The following RHPN1 variants were observed in gnomAD, a reference collection of about 807,000 sequenced individuals.
The protein encoded by RHPN1 is rhophilin Rho GTPase binding protein 1.
In RHPN1, 77 loss-of-function variants were observed where a neutral mutation model predicts 74.7. That is an observed-to-expected ratio of 1.03 (90% confidence interval 0.86 to 1.25). RHPN1 has a LOEUF of 1.25. Among genes scored for constraint, RHPN1 ranks in the 50% most tolerant of loss-of-function variants. The pLI is 0.00. For missense variants in RHPN1, 987 were observed against 932.2 expected, an observed-to-expected ratio of 1.06 and a Z score of -0.77; for synonymous variants, 444 against 414.5, an observed-to-expected ratio of 1.07 and a Z score of -0.87.
At chr8:143,373,724 G>A (rs528966299) in intron 1 of RHPN1, among the ~76,000 whole-genome samples, 11 of 150,486 alleles carry the variant, frequency 7.3e-5, no homozygotes, top group African/African-American at 2.2e-4. Context: ...GGGGGATGGC[G>A]TGGGTTCCAG....
rs549388760 is a variant in RHPN1, at chr8:143,369,109, C to G, written c.60+62C>G. ...CGGAATCCCGGCCTTTTCCTGCCCCCCCTCGAGGCGCGTTCCGGGCGCCCC... is the reference window on the plus strand; with the variant it reads ...CGGAATCCCGGCCTTTTCCTGCCCCGCCTCGAGGCGCGTTCCGGGCGCCCC... On this transcript the variant is annotated intron_variant, in intron 1 of 14. Transcript: ENST00000289013. 856 of 1,316,866 alleles carry G rather than the reference C, an allele frequency of 6.5e-4. 1 individual carries two copies. The highest frequency in any genetic ancestry group is 2.2e-3 in the Admixed American group (68 of 31,344). 81.6% of individuals were successfully genotyped at this position (1,316,866 alleles called of 1,614,324 possible). A position where few individuals can be genotyped will look rare whatever the true frequency, so the allele number is the denominator to read the frequency against.
rs1336994079 is a variant in RHPN1 at position 143,383,395 on chromosome 8, G to C, written c.*744G>C. The C allele has an allele frequency of 6.6e-6, 1 of 152,360 alleles. No homozygotes were observed. Among genetic ancestry groups the C allele is most frequent in the African/African-American group, 2.4e-5 (1 of 41,456 alleles). 9.4% of individuals were successfully genotyped at this position (152,360 alleles called of 1,614,324 possible). A position where few individuals can be genotyped will look rare whatever the true frequency, so the allele number is the denominator to read the frequency against. On this transcript the variant is annotated 3_prime_UTR_variant, in exon 15 of 15. Coordinates refer to ENST00000289013, the MANE Select transcript of RHPN1 (RefSeq NM_052924.3). The stretch of plus-strand genomic sequence containing the variant: ...GCTCCTGGGCGTGTCACTTCTCTCT[G>C]AGCCTGGGGCCTGCATGGGCCCCCA...
In RHPN1 at chr8:143,368,946, G is replaced by T. The variant is rs376982711; in HGVS notation, c.-42G>T. ...CTGCGGAGCGCTGCGCGAGCGGCGG[G>T]CTGGCTGACCCCGAGGGACCCCCAG... On this transcript the variant is annotated 5_prime_UTR_variant, in exon 1 of 15. Transcript: ENST00000289013. The T allele has an allele frequency of 7.0e-7, 1 of 1,426,366 alleles. No individual in the cohort carries two copies. Among genetic ancestry groups the T allele is most frequent in the Non-Finnish European group, 9.2e-7 (1 of 1,092,498 alleles). The allele number at this position is 1,426,366 out of a possible 1,614,324, so 88.4% of individuals were successfully genotyped here. A position where few individuals can be genotyped will look rare whatever the true frequency, so the allele number is the denominator to read the frequency against.
chr8:143,380,024 C>A (rs963152155), intron 9 of RHPN1, 38 bp from the exon 10 acceptor site: 1 of 1,543,204 alleles, frequency 6.5e-7, no homozygotes, highest in Admixed American at 2.0e-5. Flanking sequence ...ACTGCCAAGG[C>A]CCCCCCGCGC....
At chr8:143,365,251 C>T (rs1352209296), upstream of RHPN1, among the ~76,000 whole-genome samples, 2 of 152,182 alleles carry the variant, frequency 1.3e-5, no homozygotes, top group African/African-American at 2.4e-5. Context: ...CGATCAGCAT[C>T]AAATCATCAA....
Position 143,378,604 on chromosome 8 carries a change from C to T in RHPN1, c.460-92C>T, listed in dbSNP as rs1353996130. ...CCCCACTGGCTTTGCCTCCCCGCCC[C>T]CCATGGTGCTGGTGCCCATGGGACT... On this transcript the variant is annotated intron_variant, in intron 5 of 14. Coordinates refer to ENST00000289013, the MANE Select transcript of RHPN1 (RefSeq NM_052924.3). 4 of 1,472,370 alleles carry T rather than the reference C, an allele frequency of 2.7e-6. No individual in the cohort carries two copies. In the Admixed American group the frequency reaches 8.5e-5, roughly 31 times the overall value. The allele number at this position is 1,472,370 out of a possible 1,614,324, so 91.2% of individuals were successfully genotyped here. A position where few individuals can be genotyped will look rare whatever the true frequency, so the allele number is the denominator to read the frequency against.
intron 11 of RHPN1, 132 bp downstream of exon 11, chr8:143,380,915 G>C (rs1818679493): frequency 1.2e-6 from 1 of 822,852 alleles, no homozygotes; most frequent in East Asian, 2.8e-5. Flanking sequence ...GCACTTTCCA[G>C]GCCACGATCA....
chr8:143,380,651 T>A lies in RHPN1; in HGVS notation c.1279T>A (p.Cys427Ser), dbSNP rs1464522606. Residue 427 changes from cysteine to serine, a missense_variant, in exon 11 of 15, where the codon TGC (cysteine) becomes AGC (serine). Cys to Ser is a moderately radical substitution (Grantham distance 112). Transcript: ENST00000289013. ...GGAGGCGCTGCGGCTGCACGCCCTG[T>A]GCCGCGTCCTGCGCGAGGTGGACCT... ...QEEALRLHAL[C>S]RVLREVDLLR... 1 of 1,566,010 alleles carries A rather than the reference T, an allele frequency of 6.4e-7. No individual in the cohort carries two copies.
intron 1 of RHPN1, among the ~76,000 whole-genome samples, chr8:143,369,859 G>A (rs1817710022): frequency 6.6e-6 from 1 of 152,248 alleles, no homozygotes; most frequent in African/African-American, 2.4e-5. Context: ...TCCCTGGGCT[G>A]GTTCTACTCG....
chr8:143,370,903 C>T (rs1817778556), intron 1 of RHPN1, among the ~76,000 whole-genome samples: 1 of 152,202 alleles, frequency 6.6e-6, no homozygotes, highest in Admixed American at 6.5e-5. Flanking sequence ...GAGCAGGCTG[C>T]AGAGGGAGAG....
At position 143,376,679 on chromosome 8, in the gene RHPN1, G is replaced by A. The variant is rs371515199; in HGVS notation, c.305+26G>A. The A allele has an allele frequency of 2.3e-4, 351 of 1,546,768 alleles. 1 individual carries two copies. The African/African-American group carries it at 4.2e-3, about 19-fold the overall frequency. On this transcript the variant is annotated intron_variant, in intron 3 of 14. Transcript: ENST00000289013. ...GTGCGGGTGGGGGCCGGGACAGCAC[G>A]TGCGTGTATGTGTGTGCACGTGTGC...
chr8:143,379,098 C>T lies in RHPN1; in HGVS notation c.751+20C>T, dbSNP rs963193889. 3 of 1,472,568 alleles carry T rather than the reference C, an allele frequency of 2.0e-6. No individual in the cohort carries two copies. The highest frequency in any genetic ancestry group is 2.8e-5 in the African/African-American group (2 of 70,378). 91.2% of individuals were successfully genotyped at this position (1,472,568 alleles called of 1,614,324 possible). ...CCGCTGGTGAGGGCGGCCCGGGCCG[C>T]GGTGGGGCACGGCGCGGTGCCAGGG... On this transcript the variant is annotated intron_variant, in intron 7 of 14. Transcript: ENST00000289013.
chr8:143,379,121 G>A (rs777063322), intron 7 of RHPN1, 43 bp downstream of exon 7: 56 of 1,452,328 alleles, frequency 3.9e-5, no homozygotes, highest in Non-Finnish European at 4.8e-5. Flanking sequence ...CGCGGTGCCA[G>A]GGTGTTGCAG....
chr8:143,365,171 G>GC (rs1372151904), upstream of RHPN1, among the ~76,000 whole-genome samples: 1 of 151,922 alleles, frequency 6.6e-6, no homozygotes, highest in Non-Finnish European at 1.5e-5. Context: ...ATACCGATGC[G>GC]CATAAACAGT....
At chr8:143,373,492 G>A (rs1329851466) in intron 1 of RHPN1, among the ~76,000 whole-genome samples, 4 of 17,154 alleles carry the variant, frequency 2.3e-4, no homozygotes, top group African/African-American at 6.2e-4. Flanking sequence ...TGGGGATGGC[G>A]CGGGTTCCAG....
At position 143,380,760 on chromosome 8, in the gene RHPN1, C is replaced by T; in HGVS notation, c.1388C>T (p.Ala463Val). 1.3e-6 allele frequency: 2 copies of T among 1,583,812 alleles called. No homozygotes were observed. The highest frequency in any genetic ancestry group is 1.7e-6 in the Non-Finnish European group (2 of 1,164,162). ...GACCGTGAGGATGACTTCTGTGAGG[C>T]TGCCGAGGCCCCGGACATCCAGCGT... Reference protein sequence around the residue: ...ELDREDDFCEAAEAPDIQPKT... With the variant: ...ELDREDDFCEVAEAPDIQPKT... Residue 463 changes from alanine to valine, a missense_variant, in exon 11 of 15, where the codon GCT (alanine) becomes GTT (valine). Physicochemically the swap from Ala to Val is moderately conservative, Grantham distance 64. Coordinates refer to ENST00000289013, the MANE Select transcript of RHPN1 (RefSeq NM_052924.3).
In RHPN1 at chr8:143,369,066, G is replaced by A; in HGVS notation, c.60+19G>A. The stretch of plus-strand genomic sequence containing the variant: ...GCTGCAGGTGCGCAGAACTGGCGCG[G>A]CGGCGGGAGGAGGGGCCCGGAATCC... On this transcript the variant is annotated intron_variant, in intron 1 of 14. Coordinates refer to ENST00000289013, the MANE Select transcript of RHPN1 (RefSeq NM_052924.3). 1 of 1,463,334 alleles carries A rather than the reference G, an allele frequency of 6.8e-7. No homozygotes were observed. The highest frequency in any genetic ancestry group is 9.0e-7 in the Non-Finnish European group (1 of 1,115,416). The allele number at this position is 1,463,334 out of a possible 1,614,324, so 90.6% of individuals were successfully genotyped here. A position where few individuals can be genotyped will look rare whatever the true frequency, so the allele number is the denominator to read the frequency against.
chr8:143,378,357 C>CCCCT lies in RHPN1; in HGVS notation c.459+14_459+15insTCCC. On this transcript the variant is annotated intron_variant, in intron 5 of 14. Transcript: ENST00000289013. ...GAGGCCCTGCGGCAGGTGTGTGGTT[C>CCCCT]CCCCGCCCACCCACCCTCCTGCAGC... 6.6e-7 allele frequency: 1 copy of CCCCT among 1,520,946 alleles called. No individual in the cohort carries two copies. 94.2% of individuals were successfully genotyped at this position (1,520,946 alleles called of 1,614,324 possible). A position where few individuals can be genotyped will look rare whatever the true frequency, so the allele number is the denominator to read the frequency against.
At chr8:143,380,517 C>T in intron 10 of RHPN1, 72 bp from the exon 11 acceptor site, 1 of 1,354,904 alleles carries the variant, frequency 7.4e-7, no homozygotes, top group South Asian at 1.5e-5. Context: ...CCTGGCGTTG[C>T]CCACTCCTTC....
Sources: gnomAD v4.1 joint callset for allele counts (sites outside exome capture counted in the v4.1 genomes callset) on GRCh38, gnomAD v4.1.1 for gene constraint, MANE v1.5 for transcripts, NCBI Gene and HGNC (gene_info 2026-07-23, HGNC 2026-07-21) for gene names.